CECR2: variants seen among roughly 807,000 people sequenced by gnomAD.
CECR2 encodes CECR2 histone acetyl-lysine reader, also known as chromatin remodeling regulator CECR2.
CECR2 carries 30 observed loss-of-function variants against 154.5 expected under a neutral mutation model. The ratio of observed to expected loss-of-function variants is 0.19; its 90% CI spans 0.15 to 0.26. CECR2 has a LOEUF of 0.26. Among genes scored for constraint, CECR2 ranks in the 10% least tolerant of loss-of-function variants. The pLI is 1.00. For missense variants in CECR2, 1,743 were observed against 1,829.3 expected (o/e 0.95, Z 0.86); for synonymous variants, 725 against 683.7 (o/e 1.06, Z -0.94).
rs766880283 is a variant in CECR2, at chr22:17,548,828, G to A, written c.3541G>A (p.Gly1181Arg). 1.1e-5 allele frequency: 17 copies of A among 1,613,592 alleles called. No homozygotes were observed. Among genetic ancestry groups the A allele is most frequent in the Non-Finnish European group, 1.4e-5 (17 of 1,179,826 alleles). The change falls in exon 17 of 19, where the codon GGA becomes AGA. Residue 1181 changes from glycine to arginine, a missense_variant. Coordinates refer to ENST00000262608, the MANE Select transcript of CECR2 (RefSeq NM_001290047.2). ...CTTTCCCCGGTATCGCCCCCCACAA[G>A]GAATGAGGTATTCCTACCACCCACC... ...GGFPRYRPPQ[G>R]MRYSYHPPPQ...
chr22:17,518,465 C>G (rs1376676785), intron 8 of CECR2, among the ~76,000 whole-genome samples: 2 of 152,186 alleles, frequency 1.3e-5, no homozygotes, highest in Non-Finnish European at 2.9e-5. Flanking sequence ...TGTTTCCTGG[C>G]TCCAGTTCTG....
chr22:17,389,415 A>G (rs758200924), intron 1 of CECR2, among the ~76,000 whole-genome samples: 1 of 152,182 alleles, frequency 6.6e-6, no homozygotes, highest in Non-Finnish European at 1.5e-5. Context: ...TACACTGAGA[A>G]TAAGTTGAAG....
chr22:17,501,926 TA>T (rs1314423786), intron 5 of CECR2, among the ~76,000 whole-genome samples: 2 of 151,748 alleles, frequency 1.3e-5, no homozygotes, highest in Admixed American at 1.3e-4. Flanking sequence ...AGTATTTAAA[TA>T]TTTTTTCATT....
intron 7 of CECR2, among the ~76,000 whole-genome samples, chr22:17,508,712 C>T (rs544379512): frequency 2.0e-5 from 3 of 152,212 alleles, no homozygotes; most frequent in Admixed American, 2.0e-4. Context: ...GTAGGCTATG[C>T]CATCTAGTCC....
rs1348932551 is a variant in CECR2 at position 17,524,445 on chromosome 22, T to C, written c.1108+174T>C. Reference sequence around the variant, plus strand: ...TCTCGCTGTGTCGCCCAGGCTGGAGTGCAGTGGCGTGATCTCAGCTCACTG... The same window carrying C: ...TCTCGCTGTGTCGCCCAGGCTGGAGCGCAGTGGCGTGATCTCAGCTCACTG... On this transcript the variant is annotated intron_variant, in intron 9 of 18. Coordinates refer to ENST00000262608, the MANE Select transcript of CECR2 (RefSeq NM_001290047.2). The C allele has an allele frequency of 2.9e-4, 193 of 671,196 alleles. 4 individuals are homozygous for C. The highest frequency in any genetic ancestry group is 4.2e-4 in the Non-Finnish European group (185 of 438,366). 41.6% of individuals were successfully genotyped at this position (671,196 alleles called of 1,614,324 possible).
At chr22:17,388,572 G>A (rs536755165) in intron 1 of CECR2, among the ~76,000 whole-genome samples, 1 of 152,342 alleles carries the variant, frequency 6.6e-6, no homozygotes, top group South Asian at 2.1e-4. Context: ...GTTCTTGAGA[G>A]TATATGGGAA....
At chr22:17,506,707 G>A (rs1461910610) in intron 7 of CECR2, among the ~76,000 whole-genome samples, 1 of 152,120 alleles carries the variant, frequency 6.6e-6, no homozygotes, top group East Asian at 1.9e-4. Context: ...AGGGTGGAGT[G>A]CAGTGGCACA....
chr22:17,425,806 T>C (rs2054320749), intron 1 of CECR2, among the ~76,000 whole-genome samples: 1 of 152,112 alleles, frequency 6.6e-6, no homozygotes, highest in Non-Finnish European at 1.5e-5. Flanking sequence ...ATGATGACTC[T>C]GAACTAGACT....
chr22:17,387,070 A>G (rs2063271569), intron 1 of CECR2, among the ~76,000 whole-genome samples: 1 of 152,202 alleles, frequency 6.6e-6, no homozygotes, highest in Non-Finnish European at 1.5e-5. Context: ...TAGGACTACT[A>G]AATGTTACTT....
Position 17,510,476 on chromosome 22 carries a change from AAAG to A in CECR2, c.871-1335_871-1333del, listed in dbSNP as rs200954512. 9.7e-4 allele frequency among the ~76,000 whole-genome samples: 147 copies of A among 152,306 alleles called. 2 individuals are homozygous for A. The East Asian group carries it at 0.021, about 22-fold the overall frequency. On this transcript the variant is annotated intron_variant, in intron 7 of 18. Coordinates refer to ENST00000262608, the MANE Select transcript of CECR2 (RefSeq NM_001290047.2). ...CAGAACAAGAACCTATGAAAAAAAA[AAAG>A]AGCTTATAGGTATATTTCAGGAAAC...
At chr22:17,488,300 G>A (rs1158257870) in intron 2 of CECR2, among the ~76,000 whole-genome samples, 2 of 152,088 alleles carry the variant, frequency 1.3e-5, no homozygotes, top group Non-Finnish European at 2.9e-5. Flanking sequence ...TCATCTTTTT[G>A]GAAATGACAA....
intron 1 of CECR2, among the ~76,000 whole-genome samples, chr22:17,461,438 C>T (rs2054936122): frequency 6.6e-6 from 1 of 152,178 alleles, no homozygotes; most frequent in Admixed American, 6.5e-5. Context: ...ATAGATACAA[C>T]AAACTCCCTA....
intron 1 of CECR2, among the ~76,000 whole-genome samples, chr22:17,455,060 G>C (rs1242668481): frequency 6.6e-6 from 1 of 152,142 alleles, no homozygotes; most frequent in Non-Finnish European, 1.5e-5. Context: ...TAGCAACTTA[G>C]AACTTTTAAA....
At chr22:17,496,219 C>T (rs908179393) in intron 2 of CECR2, among the ~76,000 whole-genome samples, 5 of 152,018 alleles carry the variant, frequency 3.3e-5, no homozygotes, top group South Asian at 2.1e-4. Flanking sequence ...AAAGAAAGGA[C>T]GGGCACGGTG....
intron 7 of CECR2, among the ~76,000 whole-genome samples, chr22:17,507,341 C>T (rs559397721): frequency 5.1e-4 from 77 of 152,280 alleles, no homozygotes; most frequent in African/African-American, 1.7e-3. Context: ...ACGATAATTG[C>T]ATTCTGTTTT....
intron 7 of CECR2, among the ~76,000 whole-genome samples, chr22:17,509,005 C>G (rs1358547829): frequency 6.6e-6 from 1 of 152,196 alleles, no homozygotes; most frequent in Non-Finnish European, 1.5e-5. Context: ...AATCCCAGCA[C>G]TTTGGGAGGC....
intron 17 of CECR2, 128 bp from the exon 18 acceptor site, chr22:17,551,903 A>C: frequency 1.2e-6 from 1 of 824,098 alleles, no homozygotes; most frequent in Non-Finnish European, 2.0e-6. Context: ...GAGTTGTCCC[A>C]GTATGGATGA....
intron 3 of CECR2, among the ~76,000 whole-genome samples, chr22:17,498,046 A>C (rs1189155458): frequency 6.6e-6 from 1 of 152,232 alleles, no homozygotes; most frequent in Admixed American, 6.5e-5. Context: ...TGTTGAAGGA[A>C]GCTGTGGCCA....
intron 1 of CECR2, among the ~76,000 whole-genome samples, chr22:17,430,651 T>G (rs1450721594): frequency 6.6e-6 from 1 of 152,116 alleles, no homozygotes; most frequent in African/African-American, 2.4e-5. Context: ...TGACTTGTAC[T>G]CTGTACAGCT....
Sources: gnomAD v4.1 joint callset for allele counts (sites outside exome capture counted in the v4.1 genomes callset) on GRCh38, gnomAD v4.1.1 for gene constraint, MANE v1.5 for transcripts, NCBI Gene and HGNC (gene_info 2026-07-23, HGNC 2026-07-21) for gene names.